The following NAV3 variants were observed in gnomAD, a reference collection of about 807,000 sequenced individuals.
The protein encoded by NAV3 is neuron navigator 3.
A neutral mutation model predicts 244.7 loss-of-function variants in NAV3; 87 were observed. That is an observed-to-expected ratio of 0.36 (90% CI 0.30 to 0.42). NAV3 has a LOEUF of 0.42. Ranked by LOEUF, NAV3 falls within the 20% of genes least tolerant of loss-of-function variation. The pLI is 1.00. For synonymous variants in NAV3, 1,126 were observed against 1,042.2 expected, an observed-to-expected ratio of 1.08 and a Z score of -1.55; for missense variants, 2,663 against 2,893.3, an observed-to-expected ratio of 0.92 and a Z score of 1.83.
intron 2 of NAV3, among the ~76,000 whole-genome samples, chr12:77,611,794 A>AT (rs972995295): frequency 2.0e-5 from 3 of 151,832 alleles, no homozygotes; most frequent in African/African-American, 4.8e-5. Flanking sequence ...ATTAAGTATA[A>AT]TTTTTTTTAC....
chr12:77,648,552 G>T (rs1872695853), intron 2 of NAV3, among the ~76,000 whole-genome samples: 1 of 152,046 alleles, frequency 6.6e-6, no homozygotes, highest in African/African-American at 2.4e-5. Context: ...TCTGCTTCCT[G>T]CTTATGGCAC....
chr12:77,794,082 A>G (rs958006674), intron 2 of NAV3, among the ~76,000 whole-genome samples: 2 of 152,042 alleles, frequency 1.3e-5, no homozygotes, highest in Admixed American at 6.6e-5. Context: ...AGTGATGATG[A>G]GCTTTTTTTC....
rs1010568073 is a variant in NAV3, at chr12:77,969,564, C to T, written c.671+862C>T. 2.6e-5 allele frequency among the ~76,000 whole-genome samples: 4 copies of T among 152,026 alleles called. No individual in the cohort carries two copies. In the East Asian group the frequency reaches 7.7e-4, roughly 29 times the overall value. On this transcript the variant is annotated intron_variant, in intron 5 of 39. Transcript: ENST00000397909. ...TTCTGCTTTTGAAAAGCCAAACTTT[C>T]GGCCAGGCACGATGGCTCAAGCCTG... is the stretch of plus-strand genomic sequence containing the variant.
chr12:77,823,540 A>G (rs1190931684), intron 2 of NAV3, among the ~76,000 whole-genome samples: 1 of 152,248 alleles, frequency 6.6e-6, no homozygotes, highest in African/African-American at 2.4e-5. Context: ...TTAGATTCAC[A>G]AAATTGTATT....
chr12:77,863,853 C>T (rs1879618987), intron 1 of NAV3, among the ~76,000 whole-genome samples: 1 of 151,820 alleles, frequency 6.6e-6, no homozygotes, highest in African/African-American at 2.4e-5. Context: ...AGACAGTTTA[C>T]TCAAATTATT....
chr12:77,722,482 T>C (rs1357812192), intron 2 of NAV3, among the ~76,000 whole-genome samples: 1 of 152,136 alleles, frequency 6.6e-6, no homozygotes, highest in Non-Finnish European at 1.5e-5. Context: ...TATGCTGGTA[T>C]AGCTGTTTAG....
At chr12:78,164,197 G>A (rs1164927631) in intron 23 of NAV3, among the ~76,000 whole-genome samples, 2 of 152,062 alleles carry the variant, frequency 1.3e-5, no homozygotes, top group Non-Finnish European at 2.9e-5. Flanking sequence ...TTAGTTCCCT[G>A]TAGCTGTCAT....
chr12:78,041,310 GATTTGTAAATT>G (rs1432688513), intron 9 of NAV3, among the ~76,000 whole-genome samples: 3 of 152,134 alleles, frequency 2.0e-5, no homozygotes, highest in Non-Finnish European at 4.4e-5. Flanking sequence ...TTGTTCAAAT[GATTTGTAAATT>G]CAAGGGAAGA....
At chr12:78,080,832 C>T (rs1953308446) in intron 12 of NAV3, among the ~76,000 whole-genome samples, 2 of 152,204 alleles carry the variant, frequency 1.3e-5, no homozygotes, top group Non-Finnish European at 2.9e-5. Context: ...CTGCATACTG[C>T]AGGTACAATC....
chr12:77,959,672 T>G (rs990442680), intron 3 of NAV3, among the ~76,000 whole-genome samples: 1 of 151,872 alleles, frequency 6.6e-6, no homozygotes, highest in African/African-American at 2.4e-5. Context: ...CATCATGGAA[T>G]TTTTTTGAAA....
intron 1 of NAV3, 133 bp downstream of exon 1, chr12:77,831,837 C>A: frequency 1.0e-6 from 1 of 960,970 alleles, no homozygotes; most frequent in Non-Finnish European, 1.5e-6. Flanking sequence ...GTTATAATGG[C>A]TGAAAAGCTG....
intron 1 of NAV3, among the ~76,000 whole-genome samples, chr12:77,926,257 GA>G (rs1232560189): frequency 6.6e-6 from 1 of 152,022 alleles, no homozygotes; most frequent in Non-Finnish European, 1.5e-5. Context: ...AACCTATCTT[GA>G]AACACCTTTG....
chr12:77,764,236 G>A (rs1405736896), intron 2 of NAV3, among the ~76,000 whole-genome samples: 1 of 152,204 alleles, frequency 6.6e-6, no homozygotes, highest in African/African-American at 2.4e-5. Flanking sequence ...TGTATCATCT[G>A]CATTGTTTAT....
At chr12:77,986,623 G>A (rs1455651370) in intron 5 of NAV3, among the ~76,000 whole-genome samples, 1 of 151,940 alleles carries the variant, frequency 6.6e-6, no homozygotes, top group East Asian at 1.9e-4. Flanking sequence ...TAAAACTAAG[G>A]AATGAGGTCA....
intron 2 of NAV3, among the ~76,000 whole-genome samples, chr12:77,677,162 T>C (rs1874243220): frequency 6.6e-6 from 1 of 152,318 alleles, no homozygotes; most frequent in Non-Finnish European, 1.5e-5. Flanking sequence ...TAGTTTCAGT[T>C]TGAGGCTAAG....
At chr12:77,766,467 T>C (rs957743488) in intron 2 of NAV3, among the ~76,000 whole-genome samples, 2 of 152,212 alleles carry the variant, frequency 1.3e-5, no homozygotes, top group African/African-American at 4.8e-5. Context: ...TATCTTGGCC[T>C]AAATACACAT....
At chr12:78,137,515 T>A in intron 19 of NAV3, 150 bp downstream of exon 19, 1 of 766,794 alleles carries the variant, frequency 1.3e-6, no homozygotes, top group Non-Finnish European at 1.9e-6. Context: ...AGAAGTTTTA[T>A]TCTGTATTAT....
intron 7 of NAV3, among the ~76,000 whole-genome samples, chr12:78,005,729 A>C (rs1874088655): frequency 6.6e-6 from 1 of 152,212 alleles, no homozygotes; most frequent in South Asian, 2.1e-4. Flanking sequence ...TAAATCATTG[A>C]ATGAAGCTTA....
At chr12:77,887,114 A>G (rs1291003348) in intron 1 of NAV3, among the ~76,000 whole-genome samples, 1 of 152,164 alleles carries the variant, frequency 6.6e-6, no homozygotes, top group Non-Finnish European at 1.5e-5. Context: ...GTGGCTTTTC[A>G]GCATAGGTGC....
Sources: gnomAD v4.1 joint callset for allele counts (sites outside exome capture counted in the v4.1 genomes callset) on GRCh38, gnomAD v4.1.1 for gene constraint, MANE v1.5 for transcripts, NCBI Gene and HGNC (gene_info 2026-07-23, HGNC 2026-07-21) for gene names.